Variants in AFAP1 observed in about 807,000 individuals in gnomAD.
AFAP1 encodes actin filament associated protein 1, also known as actin filament-associated protein 1.
A neutral mutation model predicts 93.9 loss-of-function variants in AFAP1; 75 were observed. The ratio of observed to expected loss-of-function variants is 0.80; its 90% CI spans 0.66 to 0.97. The LOEUF (loss-of-function observed/expected upper bound fraction) is 0.97. Ranked by LOEUF, AFAP1 falls within the 50% of genes least tolerant of loss-of-function variation. AFAP1 has a pLI of 0.00. For synonymous variants in AFAP1, 517 were observed against 430.7 expected (o/e 1.20, Z -2.48); for missense variants, 1,201 against 1,050.8 (o/e 1.14, Z -1.98).
intron 7 of AFAP1, among the ~76,000 whole-genome samples, chr4:7,816,330 A>C (rs1720480118): frequency 6.6e-6 from 1 of 152,208 alleles, no homozygotes; most frequent in Admixed American, 6.5e-5. Context: ...CTGAGGCTAT[A>C]ATTATACTAA....
At chr4:7,781,722 A>G in intron 12 of AFAP1, 95 bp from the exon 13 acceptor site, 1 of 1,476,162 alleles carries the variant, frequency 6.8e-7, no homozygotes, top group Non-Finnish European at 9.1e-7. Context: ...TACGGCATTT[A>G]GCATACATTG....
chr4:7,787,696 C>T (rs1347994673), intron 11 of AFAP1, among the ~76,000 whole-genome samples: 1 of 152,174 alleles, frequency 6.6e-6, no homozygotes, highest in Non-Finnish European at 1.5e-5. Flanking sequence ...GAACGGCTCA[C>T]TCCCCTTCAA....
At chr4:7,771,499 T>C (rs1341672509) in intron 16 of AFAP1, among the ~76,000 whole-genome samples, 1 of 152,188 alleles carries the variant, frequency 6.6e-6, no homozygotes, top group Non-Finnish European at 1.5e-5. Context: ...CAAGCAATTG[T>C]TGGATGAGTG....
chr4:7,769,319 A>C (rs1424220252), intron 16 of AFAP1, among the ~76,000 whole-genome samples: 1 of 152,182 alleles, frequency 6.6e-6, no homozygotes. Context: ...GGGCTCTTGC[A>C]TGCAGCTGCT....
intron 15 of AFAP1, chr4:7,774,358 CTG>C (rs767759531): frequency 2.4e-5 from 5 of 208,834 alleles, no homozygotes; most frequent in Non-Finnish European, 4.8e-5. Context: ...GGGCTACCCT[CTG>C]TAGAGAAATC....
chr4:7,808,128 G>A (rs762416730), intron 9 of AFAP1, among the ~76,000 whole-genome samples: 1 of 152,214 alleles, frequency 6.6e-6, no homozygotes, highest in Non-Finnish European at 1.5e-5. Context: ...GGCTCACACT[G>A]CAGGGAGCTG....
chr4:7,781,755 A>C, intron 12 of AFAP1, 128 bp from the exon 13 acceptor site: 8 of 1,237,312 alleles, frequency 6.5e-6, no homozygotes, highest in Admixed American at 2.3e-5. Flanking sequence ...TCTCCTGCAC[A>C]CAGACTGCAG....
chr4:7,798,078 ACT>A (rs1435763156), intron 10 of AFAP1, among the ~76,000 whole-genome samples: 1 of 100,164 alleles, frequency 1.0e-5, no homozygotes, highest in East Asian at 2.6e-4. Flanking sequence ...ATAGATTGCA[ACT>A]CTATTGGCTG....
intron 1 of AFAP1, among the ~76,000 whole-genome samples, chr4:7,929,837 C>T (rs1022203445): frequency 6.6e-6 from 1 of 152,180 alleles, no homozygotes; most frequent in African/African-American, 2.4e-5. Flanking sequence ...CAGGAACAGC[C>T]CCTGCCCTGC....
At chr4:7,922,262 CTA>C (rs1720480019) in intron 1 of AFAP1, among the ~76,000 whole-genome samples, 1 of 152,114 alleles carries the variant, frequency 6.6e-6, no homozygotes, top group Admixed American at 6.5e-5. Flanking sequence ...TTCAATGTAA[CTA>C]TGAAAAAATG....
intron 6 of AFAP1, among the ~76,000 whole-genome samples, chr4:7,827,590 A>AAAAAAAAAG (rs1721544109): frequency 2.1e-5 from 3 of 142,476 alleles, no homozygotes; most frequent in African/African-American, 7.7e-5. Context: ...AAAAAAAAAA[A>AAAAAAAAAG]GGGAGAGGAG....
rs983548626 is a variant in AFAP1 at position 7,761,455 on chromosome 4, T to G, written c.*2310A>C. On this transcript the variant is annotated 3_prime_UTR_variant, in exon 18 of 18. Transcript: ENST00000420658. ...CCGTTGGGCAAGTCCCTGCTAAGGCTCCGGGGCCTCCTTGCCTGGTGAGGA... is the reference window on the plus strand; with the variant it reads ...CCGTTGGGCAAGTCCCTGCTAAGGCGCCGGGGCCTCCTTGCCTGGTGAGGA... The G allele has an allele frequency of 1.3e-5, 2 of 152,274 alleles. No individual in the cohort carries two copies. The highest frequency in any genetic ancestry group is 4.8e-5 in the African/African-American group (2 of 41,464). 9.4% of individuals were successfully genotyped at this position (152,274 alleles called of 1,614,324 possible). A position where few individuals can be genotyped will look rare whatever the true frequency, so the allele number is the denominator to read the frequency against.
rs557872639 is a variant in AFAP1, at chr4:7,796,112, T to A, written c.1267-2286A>T. Among the ~76,000 whole-genome samples the A allele has an allele frequency of 2.0e-5, 3 of 152,332 alleles. No homozygotes were observed. In the East Asian group the frequency reaches 5.8e-4, roughly 29 times the overall value. On this transcript the variant is annotated intron_variant, in intron 10 of 17. Transcript: ENST00000420658. ...ACATCTGTTTCTAGCGTTTGTCTAC[T>A]GAAAAGACCCAGGAGCTCTGGCCCG...
rs115974128 is a variant in AFAP1 at position 7,874,336 on chromosome 4, G to A, written c.-2-2256C>T. Among the ~76,000 whole-genome samples, 848 of 150,246 alleles carry A rather than the reference G, an allele frequency of 5.6e-3. 6 individuals are homozygous for A. The highest frequency in any genetic ancestry group is 0.018 in the African/African-American group (738 of 41,034). On this transcript the variant is annotated intron_variant, in intron 1 of 17. Transcript: ENST00000420658. ...AAAACTTCCCAACTACCTATCTGTG[G>A]GAGGTCAGATTGCCTTTTTCTTTTT...
At chr4:7,799,211 C>T (rs1718784062) in intron 10 of AFAP1, 1 of 439,206 alleles carries the variant, frequency 2.3e-6, no homozygotes, top group Non-Finnish European at 3.0e-6. Flanking sequence ...GCCCAGCCCT[C>T]TCTGTTAGAT....
At chr4:7,825,327 G>C (rs1353551729) in intron 6 of AFAP1, among the ~76,000 whole-genome samples, 1 of 152,008 alleles carries the variant, frequency 6.6e-6, no homozygotes, top group Non-Finnish European at 1.5e-5. Context: ...TTCCTTTTAT[G>C]CGGCAGTTCT....
chr4:7,934,593 C>G (rs73798024), intron 1 of AFAP1, among the ~76,000 whole-genome samples: 1 of 152,106 alleles, frequency 6.6e-6, no homozygotes, highest in Admixed American at 6.5e-5. Flanking sequence ...AAGTTGGTGA[C>G]GAGAAAGAAA....
At chr4:7,804,875 A>C (rs1178504506) in intron 9 of AFAP1, among the ~76,000 whole-genome samples, 1 of 152,160 alleles carries the variant, frequency 6.6e-6, no homozygotes, top group Non-Finnish European at 1.5e-5. Flanking sequence ...GGGCATCAAG[A>C]AGCAGCTTTC....
At chr4:7,826,765 A>G (rs1721459383) in intron 6 of AFAP1, among the ~76,000 whole-genome samples, 1 of 152,192 alleles carries the variant, frequency 6.6e-6, no homozygotes, top group Non-Finnish European at 1.5e-5. Context: ...CACCTGCAGG[A>G]GAGCCAGATA....
Sources: allele counts gnomAD v4.1 joint callset (sites outside exome capture counted in the v4.1 genomes callset), GRCh38; gene constraint gnomAD v4.1.1; transcripts MANE v1.5; gene names NCBI Gene and HGNC (gene_info 2026-07-23, HGNC 2026-07-21).